TTC7B: variants seen among roughly 807,000 people sequenced by gnomAD.
TTC7B encodes tetratricopeptide repeat domain 7B, also known as tetratricopeptide repeat protein 7B.
A neutral mutation model predicts 106.8 loss-of-function variants in TTC7B; 28 were observed. The observed-to-expected ratio is 0.26, with a 90% CI of 0.19 to 0.36. The LOEUF is 0.36. Among genes scored for constraint, TTC7B ranks in the 10% least tolerant of loss-of-function variants. The pLI, the probability that TTC7B is intolerant of heterozygous loss-of-function variation, is 1.00. For synonymous variants in TTC7B, 405 were observed against 430.6 expected (o/e 0.94, Z 0.74); for missense variants, 862 against 1,076.4 (o/e 0.80, Z 2.79).
chr14:90,725,331 G>C (rs967938965), intron 5 of TTC7B, among the ~76,000 whole-genome samples: 1 of 152,156 alleles, frequency 6.6e-6, no homozygotes, highest in Non-Finnish European at 1.5e-5. Context: ...TGGGATGTGG[G>C]AGCCTGTCTG....
At chr14:90,681,068 C>T (rs531192740) in intron 7 of TTC7B, among the ~76,000 whole-genome samples, 2 of 152,314 alleles carry the variant, frequency 1.3e-5, no homozygotes, top group Admixed American at 1.3e-4. Context: ...GGGTAGCATG[C>T]AAGAGCTCTT....
At chr14:90,605,521 A>C in intron 17 of TTC7B, 1 of 1,083,270 alleles carries the variant, frequency 9.2e-7, no homozygotes. Context: ...TCTCCAGCTT[A>C]TCAGTTAGGA....
At chr14:90,573,552 G>A (rs1216320875) in intron 19 of TTC7B, among the ~76,000 whole-genome samples, 2 of 91,772 alleles carry the variant, frequency 2.2e-5, no homozygotes, top group African/African-American at 5.0e-5. Context: ...GTCCCTCTCC[G>A]GCTCACGGTC....
intron 9 of TTC7B, among the ~76,000 whole-genome samples, chr14:90,673,179 A>G (rs946181274): frequency 2.6e-5 from 4 of 152,234 alleles, no homozygotes; most frequent in African/African-American, 9.6e-5. Context: ...TAAAATGTGC[A>G]AGATACTGTC....
chr14:90,676,574 G>A lies in TTC7B; in HGVS notation c.1101C>T (p.Asp367=). 1 of 1,614,186 alleles carries A rather than the reference G, an allele frequency of 6.2e-7. No homozygotes were observed. Among genetic ancestry groups the A allele is most frequent in the Non-Finnish European group, 8.5e-7 (1 of 1,180,020 alleles). ...ISLQSASVVY[D]LLTIALGRRG... ...TTCTTCCAAGAGCAATGGTGAGTAA[G>A]TCATAGACCACAGATGCACTCTGCA... The change falls in exon 9 of 20, where the codon GAC becomes GAT. Residue 367 remains aspartate (D), a synonymous_variant. Transcript: ENST00000328459.
Position 90,663,155 on chromosome 14 carries a change from A to G in TTC7B, c.1153-4768T>C, listed in dbSNP as rs1018438271. Among the ~76,000 whole-genome samples, 1 of 152,220 alleles carries G rather than the reference A, an allele frequency of 6.6e-6. No individual in the cohort carries two copies. The highest frequency in any genetic ancestry group is 1.5e-5 in the Non-Finnish European group (1 of 68,044). On this transcript the variant is annotated intron_variant, in intron 9 of 19. Transcript: ENST00000328459. This position sits in a 1 kb window ranked among gnomAD's most constrained non-coding sequence, Gnocchi z 4.5. ...CTAAGGACCCTGCAAAGTACAAGGC[A>G]GGTAGGCCCCTTTATCATCGTCCAT...
chr14:90,595,031 G>A (rs193062882), intron 17 of TTC7B, among the ~76,000 whole-genome samples: 1,583 of 152,284 alleles, frequency 0.01, 33 homozygotes, highest in African/African-American at 0.036. Flanking sequence ...GAACTCAGAG[G>A]CTGAGTTAAA....
At chr14:90,595,478 T>C (rs927441073) in intron 17 of TTC7B, among the ~76,000 whole-genome samples, 3 of 152,248 alleles carry the variant, frequency 2.0e-5, no homozygotes, top group African/African-American at 4.8e-5. Flanking sequence ...AAAATCTACA[T>C]AGCAAAATGA....
chr14:90,689,423 G>T, intron 7 of TTC7B, 117 bp downstream of exon 7: 1 of 884,334 alleles, frequency 1.1e-6, no homozygotes, highest in Non-Finnish European at 1.7e-6. Flanking sequence ...AATGACACTT[G>T]TTCATTTGAT....
chr14:90,795,025 A>G (rs1891726919), intron 1 of TTC7B, among the ~76,000 whole-genome samples: 1 of 152,142 alleles, frequency 6.6e-6, no homozygotes, highest in African/African-American at 2.4e-5. Flanking sequence ...ATTACCTAAT[A>G]ACGTGTCCAG....
At chr14:90,701,719 C>A (rs1307858231) in intron 5 of TTC7B, among the ~76,000 whole-genome samples, 1 of 150,392 alleles carries the variant, frequency 6.6e-6, no homozygotes, top group Admixed American at 6.6e-5. Flanking sequence ...TACACACACA[C>A]AAATATATAT....
chr14:90,552,867 G>C (rs141773789), intron 19 of TTC7B, among the ~76,000 whole-genome samples: 8 of 152,324 alleles, frequency 5.3e-5, no homozygotes, highest in Non-Finnish European at 1.0e-4. Context: ...TGTCAGAACC[G>C]AAACGGGGTG....
At chr14:90,582,467 G>A (rs574892903) in intron 18 of TTC7B, among the ~76,000 whole-genome samples, 2 of 152,342 alleles carry the variant, frequency 1.3e-5, no homozygotes, top group Admixed American at 1.3e-4. Context: ...GCCGTGCCAA[G>A]GGATCAACCC....
chr14:90,708,324 T>A lies in TTC7B; in HGVS notation c.699-12746A>T, dbSNP rs187246035. 1.4e-4 allele frequency among the ~76,000 whole-genome samples: 21 copies of A among 152,262 alleles called. No individual in the cohort carries two copies. The East Asian group carries it at 4.1e-3, about 29-fold the overall frequency. Reference sequence around the variant, plus strand: ...TTGGAAGAAAATGTTATCTACGACTTTCGTAGCTACAGAGAAGTCAACGCC... The same window carrying A: ...TTGGAAGAAAATGTTATCTACGACTATCGTAGCTACAGAGAAGTCAACGCC... On this transcript the variant is annotated intron_variant, in intron 5 of 19. Coordinates refer to ENST00000328459, the MANE Select transcript of TTC7B (RefSeq NM_001010854.2).
chr14:90,597,590 G>A (rs1414456947), intron 17 of TTC7B, among the ~76,000 whole-genome samples: 1 of 152,076 alleles, frequency 6.6e-6, no homozygotes, highest in East Asian at 1.9e-4. Context: ...CCCCAGAGGT[G>A]GAGGTTGCAG....
At position 90,539,702 on chromosome 14, in the gene TTC7B, A is replaced by G. The variant is rs1034952811; in HGVS notation, c.*1666T>C. 6.6e-6 allele frequency: 1 copy of G among 152,248 alleles called. No homozygotes were observed. Among genetic ancestry groups the G allele is most frequent in the African/African-American group, 2.4e-5 (1 of 41,438 alleles). The allele number at this position is 152,248 out of a possible 1,614,324, so 9.4% of individuals were successfully genotyped here. On this transcript the variant is annotated 3_prime_UTR_variant, in exon 20 of 20. Coordinates refer to ENST00000328459, the MANE Select transcript of TTC7B (RefSeq NM_001010854.2). ...CCCTGTGTCCTGGAAAGGTGGGGCC[A>G]CCCTACAGCTGTCCCTGAGAGACTG...
chr14:90,725,337 G>A (rs1031168324), intron 5 of TTC7B, among the ~76,000 whole-genome samples: 1 of 152,184 alleles, frequency 6.6e-6, no homozygotes, highest in African/African-American at 2.4e-5. Flanking sequence ...GTGGGAGCCT[G>A]TCTGCTGCTG....
intron 17 of TTC7B, chr14:90,603,274 A>T (rs934799564): frequency 1.6e-6 from 2 of 1,289,938 alleles, no homozygotes; most frequent in African/African-American, 3.0e-5. Flanking sequence ...AGGGAAGGAA[A>T]ACCATGAAAG....
chr14:90,702,299 G>A (rs1888024175), intron 5 of TTC7B, among the ~76,000 whole-genome samples: 1 of 151,808 alleles, frequency 6.6e-6, no homozygotes, highest in South Asian at 2.1e-4. Flanking sequence ...CCCTCATTGG[G>A]TAACTGTACC....
Sources: allele counts gnomAD v4.1 joint callset (sites outside exome capture counted in the v4.1 genomes callset), GRCh38; gene constraint gnomAD v4.1.1; non-coding constraint Gnocchi (gnomAD v3.1); transcripts MANE v1.5; gene names NCBI Gene and HGNC (gene_info 2026-07-23, HGNC 2026-07-21).